PDGFD: variants seen among roughly 807,000 people sequenced by gnomAD.
The protein encoded by PDGFD is platelet-derived growth factor D.
PDGFD carries 30 observed loss-of-function variants against 44.7 expected under a neutral mutation model. That is an observed-to-expected ratio of 0.67 (90% CI 0.50 to 0.91). The LOEUF is 0.91. Among genes scored for constraint, PDGFD ranks in the 40% least tolerant of loss-of-function variants. The pLI, the probability that PDGFD is intolerant of heterozygous loss-of-function variation, is 0.00. For missense variants in PDGFD, 445 were observed against 457.8 expected (o/e 0.97, Z 0.25); for synonymous variants, 173 against 168.4 (o/e 1.03, Z -0.21).
chr11:103,987,709 TAAAG>T (rs1218166105), intron 3 of PDGFD, among the ~76,000 whole-genome samples: 1 of 152,162 alleles, frequency 6.6e-6, no homozygotes, highest in African/African-American at 2.4e-5. Context: ...GTAGCTAAAA[TAAAG>T]AAAGGCTAGT....
chr11:104,025,830 C>T (rs1158139740), intron 1 of PDGFD, among the ~76,000 whole-genome samples: 1 of 152,236 alleles, frequency 6.6e-6, no homozygotes, highest in African/African-American at 2.4e-5. Context: ...ACTCACCTGC[C>T]TGTCTAAAGA....
At chr11:104,152,346 A>G (rs1324740846) in intron 1 of PDGFD, among the ~76,000 whole-genome samples, 1 of 152,182 alleles carries the variant, frequency 6.6e-6, no homozygotes, top group Non-Finnish European at 1.5e-5. Flanking sequence ...AATTTCTATT[A>G]CAGCAAATGT....
At chr11:104,022,168 G>T (rs1367253273) in intron 1 of PDGFD, among the ~76,000 whole-genome samples, 2 of 152,162 alleles carry the variant, frequency 1.3e-5, no homozygotes, top group Non-Finnish European at 2.9e-5. Flanking sequence ...TAGAATGCCA[G>T]CAGGCTAAAA....
chr11:104,056,925 C>T (rs1860626647), intron 1 of PDGFD, among the ~76,000 whole-genome samples: 1 of 151,998 alleles, frequency 6.6e-6, no homozygotes, highest in African/African-American at 2.4e-5. Flanking sequence ...GTTAGGAGCT[C>T]GAGACCATCC....
intron 3 of PDGFD, among the ~76,000 whole-genome samples, chr11:103,986,131 G>A (rs531120383): frequency 7.2e-5 from 11 of 152,146 alleles, no homozygotes; most frequent in Non-Finnish European, 8.8e-5. Context: ...CATTTCCACT[G>A]ATAAAGGGAA....
intron 1 of PDGFD, among the ~76,000 whole-genome samples, chr11:104,082,388 A>C (rs1861057943): frequency 6.6e-6 from 1 of 151,902 alleles, no homozygotes; most frequent in Admixed American, 6.6e-5. Flanking sequence ...GTCACTTTGA[A>C]ATTGGCCTTG....
At chr11:104,124,990 A>G (rs1184754382) in intron 1 of PDGFD, among the ~76,000 whole-genome samples, 4 of 152,168 alleles carry the variant, frequency 2.6e-5, no homozygotes, top group Non-Finnish European at 5.9e-5. Context: ...ACAACAAAGG[A>G]GGACTCTGAT....
intron 1 of PDGFD, among the ~76,000 whole-genome samples, chr11:104,100,258 G>A (rs1010841816): frequency 2.6e-5 from 4 of 151,990 alleles, no homozygotes; most frequent in South Asian, 2.1e-4. Context: ...TCAAATAGAC[G>A]CAATAAAAAA....
intron 3 of PDGFD, among the ~76,000 whole-genome samples, chr11:103,966,359 G>A (rs759698788): frequency 2.6e-5 from 4 of 152,134 alleles, no homozygotes; most frequent in Non-Finnish European, 5.9e-5. Flanking sequence ...AATTTCTACA[G>A]TTGTTATTCA....
chr11:104,051,557 A>G (rs75715643), intron 1 of PDGFD, among the ~76,000 whole-genome samples: 4,345 of 152,220 alleles, frequency 0.029, 117 homozygotes, highest in Admixed American at 0.063. Flanking sequence ...GGTCCCTGGG[A>G]AGATTTAAAA....
rs534936661 is a variant in PDGFD at position 104,003,295 on chromosome 11, A to G, written c.125-3040T>C. ...TGAGACATAAGAGGCTAGAAGCTTT[A>G]AAGGAACTATGGAAATATTTGAAAG... On this transcript the variant is annotated intron_variant, in intron 1 of 6. Coordinates refer to ENST00000393158, the MANE Select transcript of PDGFD (RefSeq NM_025208.5). Among the ~76,000 whole-genome samples, 8 of 152,346 alleles carry G rather than the reference A, an allele frequency of 5.3e-5. No individual in the cohort carries two copies. The East Asian group carries it at 1.5e-3, about 29-fold the overall frequency.
intron 1 of PDGFD, among the ~76,000 whole-genome samples, chr11:104,029,697 C>T (rs568603059): frequency 3.3e-5 from 5 of 152,194 alleles, no homozygotes; most frequent in African/African-American, 1.2e-4. Context: ...ATATAAATAC[C>T]TGTTGAGGTG....
chr11:103,947,893 G>A (rs1858688088), intron 3 of PDGFD, among the ~76,000 whole-genome samples, 169 bp from the exon 4 acceptor site: 1 of 152,112 alleles, frequency 6.6e-6, no homozygotes, highest in South Asian at 2.1e-4. Flanking sequence ...ATCTCCTCAA[G>A]AACCCTTCTC....
intron 1 of PDGFD, among the ~76,000 whole-genome samples, chr11:104,105,790 C>T (rs1262399873): frequency 1.3e-5 from 2 of 151,802 alleles, no homozygotes; most frequent in African/African-American, 4.8e-5. Flanking sequence ...AAAATAATTC[C>T]TGGAAATTTT....
At chr11:104,079,920 A>T (rs189585377) in intron 1 of PDGFD, among the ~76,000 whole-genome samples, 126 of 152,084 alleles carry the variant, frequency 8.3e-4, no homozygotes, top group African/African-American at 2.7e-3. Context: ...GAGCAATGAA[A>T]CTCTATAAAT....
chr11:104,106,102 T>C (rs1591166498), intron 1 of PDGFD, among the ~76,000 whole-genome samples: 1 of 152,182 alleles, frequency 6.6e-6, no homozygotes, highest in East Asian at 1.9e-4. Flanking sequence ...TAGAAACTTA[T>C]ATTTCTGAAC....
intron 1 of PDGFD, among the ~76,000 whole-genome samples, chr11:104,161,958 T>A (rs202071369): frequency 0.037 from 5,350 of 144,824 alleles, 129 homozygotes; most frequent in East Asian, 0.11. Context: ...AGAGTGTGTG[T>A]GTGTGTGTGT....
intron 3 of PDGFD, among the ~76,000 whole-genome samples, chr11:103,974,332 T>C (rs576794935): frequency 6.6e-6 from 1 of 152,174 alleles, no homozygotes; most frequent in African/African-American, 2.4e-5. Flanking sequence ...GTGAAGCAGC[T>C]CTCCCTTCTC....
intron 1 of PDGFD, among the ~76,000 whole-genome samples, chr11:104,051,586 A>G (rs1860538273): frequency 1.3e-5 from 2 of 152,140 alleles, no homozygotes; most frequent in Non-Finnish European, 2.9e-5. Flanking sequence ...AGGTGATTGT[A>G]TAGTGAGATA....
Sources: allele counts gnomAD v4.1 joint callset (sites outside exome capture counted in the v4.1 genomes callset), GRCh38; gene constraint gnomAD v4.1.1; transcripts MANE v1.5; gene names NCBI Gene and HGNC (gene_info 2026-07-23, HGNC 2026-07-21).